EFHC1: variants seen among roughly 807,000 people sequenced by gnomAD.
EFHC1 encodes EF-hand domain containing 1.
Under a neutral mutation model 69.9 loss-of-function variants are expected in EFHC1, and 53 were observed. The ratio of observed to expected loss-of-function variants is 0.76; its 90% CI spans 0.61 to 0.95. The LOEUF (loss-of-function observed/expected upper bound fraction) is 0.95. Ranked by LOEUF, EFHC1 falls within the 40% of genes least tolerant of loss-of-function variation. The pLI is 0.00. For missense variants in EFHC1, 739 were observed against 798.7 expected (o/e 0.93, Z 0.90); for synonymous variants, 256 against 278.4 (o/e 0.92, Z 0.80).
intron 2 of EFHC1, among the ~76,000 whole-genome samples, chr6:52,436,314 A>G (rs116093231): frequency 6.6e-6 from 1 of 151,800 alleles, no homozygotes; most frequent in Non-Finnish European, 1.5e-5. Context: ...TCTCCTATGC[A>G]CTTGTATGCA....
chr6:52,451,423 T>C (rs1030549557), intron 3 of EFHC1, among the ~76,000 whole-genome samples: 2 of 152,254 alleles, frequency 1.3e-5, no homozygotes, highest in African/African-American at 4.8e-5. Flanking sequence ...AAATTCTTGG[T>C]TGAAGATTTT....
intron 1 of EFHC1, among the ~76,000 whole-genome samples, chr6:52,422,112 A>T (rs148533892): frequency 1.6e-3 from 246 of 152,306 alleles, no homozygotes; most frequent in African/African-American, 5.2e-3. Context: ...AAGTTAAAAA[A>T]TTTTTAAAGG....
chr6:52,454,326 T>C, intron 5 of EFHC1, 39 bp downstream of exon 5: 1 of 1,612,852 alleles, frequency 6.2e-7, no homozygotes, highest in Admixed American at 1.7e-5. Context: ...ACTTGGGATG[T>C]TTTTAGGTTC....
chr6:52,453,995 T>G (rs746452992), intron 4 of EFHC1, 100 bp from the exon 5 acceptor site: 52 of 1,597,778 alleles, frequency 3.3e-5, no homozygotes, highest in Non-Finnish European at 4.3e-5. Flanking sequence ...TCATAGTCTT[T>G]CCAGCTAGTC....
intron 2 of EFHC1, among the ~76,000 whole-genome samples, chr6:52,436,070 C>T (rs1279341056): frequency 6.6e-6 from 1 of 152,166 alleles, no homozygotes; most frequent in Non-Finnish European, 1.5e-5. Flanking sequence ...CTGATCAGTT[C>T]AGCTTTAACA....
At chr6:52,486,638 G>A (rs1367921603) in intron 9 of EFHC1, 1 of 152,110 alleles carries the variant, frequency 6.6e-6, no homozygotes, top group Non-Finnish European at 1.5e-5. Context: ...GAGATCAAAT[G>A]ATCCAATGTG....
At chr6:52,462,173 C>T (rs1732530272) in intron 5 of EFHC1, among the ~76,000 whole-genome samples, 1 of 150,660 alleles carries the variant, frequency 6.6e-6, no homozygotes, top group Non-Finnish European at 1.5e-5. Flanking sequence ...TGAAAAAAAC[C>T]GTGTATTTGG....
intron 9 of EFHC1, chr6:52,486,893 CATTT>C (rs1252189579): frequency 6.6e-6 from 1 of 152,072 alleles, no homozygotes; most frequent in Non-Finnish European, 1.5e-5. Flanking sequence ...GGACTCTTCT[CATTT>C]AGTCATTAAT....
chr6:52,422,608 T>C (rs1170135623), intron 1 of EFHC1, among the ~76,000 whole-genome samples: 1 of 152,182 alleles, frequency 6.6e-6, no homozygotes, highest in African/African-American at 2.4e-5. Context: ...TAAAAATATT[T>C]TTTATGATTA....
At chr6:52,459,705 C>A (rs796780038) in intron 5 of EFHC1, among the ~76,000 whole-genome samples, 1 of 151,370 alleles carries the variant, frequency 6.6e-6, no homozygotes, top group Admixed American at 6.6e-5. Flanking sequence ...GACGGAGTCT[C>A]GCTTTGTCGC....
chr6:52,495,942 T>C lies in EFHC1; in HGVS notation c.*3601T>C, dbSNP rs1194299300. On this transcript the variant is annotated 3_prime_UTR_variant, in exon 11 of 11. Coordinates refer to ENST00000371068, the MANE Select transcript of EFHC1 (RefSeq NM_018100.4). ...GGTGTCCAAACACTCGCTGCTCACC[T>C]GTTTATACAAAGCAGCAAGTATAGG... 1.1e-5 allele frequency: 3 copies of C among 261,014 alleles called. No individual in the cohort carries two copies. The East Asian group carries it at 2.8e-4, about 24-fold the overall frequency. 16.2% of individuals were successfully genotyped at this position (261,014 alleles called of 1,614,324 possible).
intron 5 of EFHC1, among the ~76,000 whole-genome samples, chr6:52,463,446 T>C (rs905761833): frequency 6.6e-6 from 1 of 152,204 alleles, no homozygotes; most frequent in African/African-American, 2.4e-5. Flanking sequence ...CAGATCCAGA[T>C]AATCTTACAG....
At chr6:52,474,592 C>T (rs1269452877) in intron 7 of EFHC1, among the ~76,000 whole-genome samples, 1 of 152,042 alleles carries the variant, frequency 6.6e-6, no homozygotes, top group Non-Finnish European at 1.5e-5. Context: ...CAAAAATAGA[C>T]CTAAATGTCT....
At chr6:52,453,068 T>A in intron 4 of EFHC1, 1 of 1,495,534 alleles carries the variant, frequency 6.7e-7, no homozygotes, top group African/African-American at 1.4e-5. Flanking sequence ...AGTTGTTTTG[T>A]GAACCTCACC....
At chr6:52,461,986 T>C (rs904087174) in intron 5 of EFHC1, among the ~76,000 whole-genome samples, 9 of 152,190 alleles carry the variant, frequency 5.9e-5, no homozygotes, top group African/African-American at 1.9e-4. Context: ...TGGAAAAATA[T>C]AGCATAATAG....
At chr6:52,421,495 C>G (rs1314514314) in intron 1 of EFHC1, among the ~76,000 whole-genome samples, 1 of 152,054 alleles carries the variant, frequency 6.6e-6, no homozygotes, top group South Asian at 2.1e-4. Flanking sequence ...TTAATTCTGA[C>G]AGGGCTACTG....
chr6:52,438,632 C>CATTCTAATTT, intron 3 of EFHC1, 41 bp downstream of exon 3: 1 of 1,597,256 alleles, frequency 6.3e-7, no homozygotes, highest in Middle Eastern at 1.7e-4. Context: ...TCTGAGGCAT[C>CATTCTAATTT]ATTCTAATTT....
At chr6:52,431,685 G>A (rs1764417857) in intron 2 of EFHC1, among the ~76,000 whole-genome samples, 1 of 152,076 alleles carries the variant, frequency 6.6e-6, no homozygotes, top group South Asian at 2.1e-4. Flanking sequence ...TGCGGTTGTT[G>A]GGTAGAATGT....
chr6:52,446,592 A>G (rs9349627), intron 3 of EFHC1, among the ~76,000 whole-genome samples: 1,641 of 152,252 alleles, frequency 0.011, 21 homozygotes, highest in South Asian at 0.073. Context: ...TGTGAATTTG[A>G]TCCTGTCATT....
Sources: gnomAD v4.1 joint callset for allele counts (sites outside exome capture counted in the v4.1 genomes callset) on GRCh38, gnomAD v4.1.1 for gene constraint, MANE v1.5 for transcripts, NCBI Gene and HGNC (gene_info 2026-07-23, HGNC 2026-07-21) for gene names.